Variants in ANXA10 observed in about 807,000 individuals in gnomAD.
The protein encoded by ANXA10 is annexin 14.
A neutral mutation model predicts 53.5 loss-of-function variants in ANXA10; 49 were observed. That is an observed-to-expected ratio of 0.92 (90% CI 0.73 to 1.16). The LOEUF (loss-of-function observed/expected upper bound fraction) is 1.16. Ranked by LOEUF, ANXA10 falls within the 50% of genes most tolerant of loss-of-function variation. The probability of loss-of-function intolerance (pLI) is 0.00; values close to 1 mark genes in which losing one functional copy is unlikely to be tolerated. For synonymous variants in ANXA10, 131 were observed against 128.9 expected, an observed-to-expected ratio of 1.02 and a Z score of -0.11; for missense variants, 393 against 394.4, an observed-to-expected ratio of 1.00 and a Z score of 0.03.
chr4:168,113,008 G>A (rs182446140), intron 1 of ANXA10, among the ~76,000 whole-genome samples: 2 of 151,956 alleles, frequency 1.3e-5, no homozygotes, highest in Admixed American at 6.6e-5. Context: ...GGGTGACAGA[G>A]GGAGACTCCA....
intron 1 of ANXA10, among the ~76,000 whole-genome samples, chr4:168,096,911 CAT>C (rs35451323): frequency 0.014 from 1,580 of 109,532 alleles, 56 homozygotes; most frequent in South Asian, 0.022. Context: ...AATACAAATG[CAT>C]ATATATATAT....
intron 2 of ANXA10, among the ~76,000 whole-genome samples, chr4:168,133,252 T>C (rs1731182983): frequency 6.6e-6 from 1 of 152,104 alleles, no homozygotes; most frequent in African/African-American, 2.4e-5. Flanking sequence ...AATTCAAGAA[T>C]TAGTTATAGT....
At chr4:168,094,579 G>T (rs943410244) in intron 1 of ANXA10, among the ~76,000 whole-genome samples, 9 of 151,914 alleles carry the variant, frequency 5.9e-5, no homozygotes, top group Non-Finnish European at 4.4e-5. Flanking sequence ...GGTAGTAATT[G>T]ACTGAGTTGT....
At chr4:168,146,075 A>G (rs910829852) in intron 3 of ANXA10, among the ~76,000 whole-genome samples, 1 of 152,010 alleles carries the variant, frequency 6.6e-6, no homozygotes, top group African/African-American at 2.4e-5. Flanking sequence ...CGCCCAGCTA[A>G]TTTTTGTATT....
At chr4:168,127,748 T>C (rs755516976) in intron 1 of ANXA10, 1 of 518,484 alleles carries the variant, frequency 1.9e-6, no homozygotes, top group East Asian at 4.8e-5. Context: ...CTTGTGTGTA[T>C]GTTTTGTAGT....
At chr4:168,163,703 C>G (rs1197368370) in intron 4 of ANXA10, among the ~76,000 whole-genome samples, 1 of 152,072 alleles carries the variant, frequency 6.6e-6, no homozygotes, top group Non-Finnish European at 1.5e-5. Flanking sequence ...ATCCATGTGT[C>G]TGCAAGAGAC....
chr4:168,168,807 G>C (rs1210675542), intron 6 of ANXA10, among the ~76,000 whole-genome samples: 1 of 152,214 alleles, frequency 6.6e-6, no homozygotes, highest in Non-Finnish European at 1.5e-5. Flanking sequence ...AGACATGTTT[G>C]TCAATAAATA....
At chr4:168,117,822 G>A (rs577469004) in intron 1 of ANXA10, among the ~76,000 whole-genome samples, 58 of 152,238 alleles carry the variant, frequency 3.8e-4, no homozygotes, top group African/African-American at 1.3e-3. Context: ...TGGCCTCAGA[G>A]CCTATCCCAG....
chr4:168,152,280 G>T (rs1340958858), intron 3 of ANXA10, among the ~76,000 whole-genome samples: 3 of 152,122 alleles, frequency 2.0e-5, no homozygotes, highest in African/African-American at 7.2e-5. Context: ...AATACCTAGG[G>T]GAAGAACATT....
At chr4:168,185,336 G>A (rs1363153792) in intron 11 of ANXA10, among the ~76,000 whole-genome samples, 1 of 152,136 alleles carries the variant, frequency 6.6e-6, no homozygotes. Flanking sequence ...ATTGCAAAAG[G>A]CTGCATTACT....
intron 6 of ANXA10, among the ~76,000 whole-genome samples, chr4:168,166,631 C>CGTGTGTGTGTGTGT (rs34797848): frequency 2.2e-5 from 3 of 136,704 alleles, no homozygotes; most frequent in Non-Finnish European, 4.7e-5. Flanking sequence ...TTTTGTGTTT[C>CGTGTGTGTGTGTGT]GTGTGTGTGT....
Position 168,184,648 on chromosome 4 carries a change from G to A in ANXA10, c.873G>A (p.Glu291=), listed in dbSNP as rs1452165990. 1.9e-6 allele frequency: 3 copies of A among 1,614,084 alleles called. No homozygotes were observed. The highest frequency in any genetic ancestry group is 1.7e-6 in the Non-Finnish European group (2 of 1,179,972). ...DLLTIRKRYK[E]RYGKSLFHDI... is the part of the protein sequence containing the mutation. ...TGACCATAAGGAAACGATACAAAGAGCGATATGGAAAATCCCTATTTCATG... is the reference window on the plus strand; with the variant it reads ...TGACCATAAGGAAACGATACAAAGAACGATATGGAAAATCCCTATTTCATG... Residue 291 remains glutamate (E), a synonymous_variant, in exon 11 of 12, where the codon GAG becomes GAA. Coordinates refer to ENST00000359299, the MANE Select transcript of ANXA10 (RefSeq NM_007193.5).
At chr4:168,140,422 A>G (rs371333906) in intron 3 of ANXA10, among the ~76,000 whole-genome samples, 2 of 152,358 alleles carry the variant, frequency 1.3e-5, no homozygotes, top group African/African-American at 4.8e-5. Flanking sequence ...AAAAGCTACT[A>G]TCAGTAGTGA....
chr4:168,185,704 T>C (rs939611903), intron 11 of ANXA10, among the ~76,000 whole-genome samples: 1 of 152,232 alleles, frequency 6.6e-6, no homozygotes, highest in Non-Finnish European at 1.5e-5. Context: ...GAGCAGAGCA[T>C]TAAACCAAGC....
chr4:168,178,075 G>A, intron 8 of ANXA10, 92 bp downstream of exon 8: 1 of 1,184,798 alleles, frequency 8.4e-7, no homozygotes, highest in Admixed American at 2.1e-5. Context: ...AATATTACAA[G>A]GAAATAGCGG....
intron 1 of ANXA10, among the ~76,000 whole-genome samples, chr4:168,111,904 G>A (rs113394611): frequency 0.031 from 4,766 of 152,186 alleles, 121 homozygotes; most frequent in Middle Eastern, 0.065. Flanking sequence ...TACAAGGAGG[G>A]CTGAGTAGTA....
At chr4:168,117,651 T>G (rs1003598491) in intron 1 of ANXA10, among the ~76,000 whole-genome samples, 2 of 152,240 alleles carry the variant, frequency 1.3e-5, no homozygotes, top group African/African-American at 4.8e-5. Flanking sequence ...GTAAGAGTTA[T>G]GTTCCTACAT....
chr4:168,103,803 C>A (rs981274509), intron 1 of ANXA10, among the ~76,000 whole-genome samples: 1 of 151,806 alleles, frequency 6.6e-6, no homozygotes, highest in African/African-American at 2.4e-5. Context: ...TGGTACATAT[C>A]TTTATTTATT....
At chr4:168,107,667 G>T (rs1730739485) in intron 1 of ANXA10, among the ~76,000 whole-genome samples, 2 of 152,158 alleles carry the variant, frequency 1.3e-5, no homozygotes, top group South Asian at 4.1e-4. Context: ...AGATCAAAGT[G>T]TCAGCAAATT....
Sources: allele counts gnomAD v4.1 joint callset (sites outside exome capture counted in the v4.1 genomes callset), GRCh38; gene constraint gnomAD v4.1.1; transcripts MANE v1.5; gene names NCBI Gene and HGNC (gene_info 2026-07-23, HGNC 2026-07-21).